MLC1: variants seen among roughly 807,000 people sequenced by gnomAD.
MLC1 encodes the protein modulator of VRAC current 1.
Under a neutral mutation model 44.7 loss-of-function variants are expected in MLC1, and 32 were observed. The observed-to-expected ratio is 0.72, with a 90% CI of 0.54 to 0.96. The LOEUF (loss-of-function observed/expected upper bound fraction) is 0.96, where lower values mean the gene tolerates loss of function less well. Among genes scored for constraint, MLC1 ranks in the 40% least tolerant of loss-of-function variants. MLC1 has a pLI of 0.00. For missense variants in MLC1, 459 were observed against 492.2 expected (o/e 0.93, Z 0.64); for synonymous variants, 190 against 213.0 (o/e 0.89, Z 0.94).
intron 10 of MLC1, among the ~76,000 whole-genome samples, chr22:50,067,317 CAGACAGTGACTCCATTACCCCATT>C (rs2061723819): frequency 1.3e-5 from 2 of 149,512 alleles, no homozygotes; most frequent in Non-Finnish European, 3.0e-5. Flanking sequence ...CATCCCCCAT[CAGACAGTGACTCCATTACCCCATT>C]AGACAGTGAC....
At chr22:50,084,652 C>T (rs1165118727) in intron 2 of MLC1, 74 bp downstream of exon 2, 5 of 1,535,256 alleles carry the variant, frequency 3.3e-6, no homozygotes, top group Non-Finnish European at 4.5e-6. Context: ...CCTGGGGCTC[C>T]AGGGCGCTGC....
chr22:50,081,049 G>GAAAGAAAGAAAGAAAGAAAGAA lies in MLC1; in HGVS notation c.268-653_268-652insTTCTTTCTTTCTTTCTTTCTTT, dbSNP rs1413650900. Among the ~76,000 whole-genome samples, 920 of 149,830 alleles carry GAAAGAAAGAAAGAAAGAAAGAA rather than the reference G, an allele frequency of 6.1e-3. 23 individuals are homozygous for GAAAGAAAGAAAGAAAGAAAGAA. Among genetic ancestry groups the GAAAGAAAGAAAGAAAGAAAGAA allele is most frequent in the African/African-American group, 0.022 (859 of 39,646 alleles). ...AGAAAGAAAGAAAGAAAGAAAGAAAGAAAGAAAGAGGAGGTCTGGTGCAGT... is the reference window on the plus strand; with the variant it reads ...AGAAAGAAAGAAAGAAAGAAAGAAAGAAAGAAAGAAAGAAAGAAAGAAAAAGAAAGAGGAGGTCTGGTGCAGT... On this transcript the variant is annotated intron_variant, in intron 3 of 11. Transcript: ENST00000311597.
chr22:50,066,561 G>A (rs937820793), intron 10 of MLC1, among the ~76,000 whole-genome samples: 1 of 152,058 alleles, frequency 6.6e-6, no homozygotes, highest in African/African-American at 2.4e-5. Context: ...TCCGGAGGCT[G>A]AGGCAGGAGA....
At chr22:50,080,424 C>G (rs1724999272) in intron 3 of MLC1, 27 bp from the exon 4 acceptor site, 2 of 1,589,600 alleles carry the variant, frequency 1.3e-6, no homozygotes, top group Non-Finnish European at 1.7e-6. Flanking sequence ...ATCCCATGAG[C>G]CTGCCGCTCA....
intron 3 of MLC1, among the ~76,000 whole-genome samples, chr22:50,081,834 C>T (rs1413810126): frequency 1.3e-5 from 2 of 152,234 alleles, no homozygotes; most frequent in Non-Finnish European, 2.9e-5. Flanking sequence ...GGCACTTGCC[C>T]ATATCCGGCA....
intron 1 of MLC1, 164 bp from the exon 2 acceptor site, chr22:50,085,125 C>T: frequency 1.4e-6 from 2 of 1,420,984 alleles, no homozygotes; most frequent in South Asian, 3.0e-5. Context: ...AATAACTTTC[C>T]TAGAAAAACG....
chr22:50,085,156 A>G, intron 1 of MLC1, 195 bp from the exon 2 acceptor site: 1 of 1,368,830 alleles, frequency 7.3e-7, no homozygotes, highest in Non-Finnish European at 9.4e-7. Flanking sequence ...GTCTGGGTTC[A>G]GGGTGAGATT....
Position 50,070,557 on chromosome 22 carries a change from A to C in MLC1, c.741T>G (p.His247Gln), listed in dbSNP as rs1401280860. 3 of 1,565,074 alleles carry C rather than the reference A, an allele frequency of 1.9e-6. No individual in the cohort carries two copies. Among genetic ancestry groups the C allele is most frequent in the Non-Finnish European group, 2.6e-6 (3 of 1,153,994 alleles). Residue 247 changes from histidine (H) to glutamine (Q), a missense_variant, in exon 9 of 12, where the codon CAT becomes CAG. Physicochemically the swap from His to Gln is conservative, Grantham distance 24. Coordinates refer to ENST00000311597, the MANE Select transcript of MLC1 (RefSeq NM_015166.4). ...VACFPSAIAS[H>Q]VAAECPSKCL... ...ACTTGCTGGGACACTCTGCTGCCAC[A>C]TGACTGGCAATGGCACTTGGAAAGC...
intron 11 of MLC1, among the ~76,000 whole-genome samples, 169 bp downstream of exon 11, chr22:50,063,864 TC>T: frequency 2.8e-5 from 1 of 35,494 alleles, no homozygotes; most frequent in African/African-American, 1.1e-4. Flanking sequence ...GCTACTCACC[TC>T]CCCAGCACCC....
At chr22:50,071,935 G>A (rs1445524262) in intron 8 of MLC1, among the ~76,000 whole-genome samples, 1 of 152,170 alleles carries the variant, frequency 6.6e-6, no homozygotes, top group Non-Finnish European at 1.5e-5. Flanking sequence ...GATGGGCTCC[G>A]AGCAGGGGAG....
In MLC1 at chr22:50,081,009, AAAAG is replaced by A. The variant is rs757266134; in HGVS notation, c.268-616_268-613del. On this transcript the variant is annotated intron_variant, in intron 3 of 11. Coordinates refer to ENST00000311597, the MANE Select transcript of MLC1 (RefSeq NM_015166.4). ...TGATAGAGTGAGACCTTGTCTCAAA[AAAAG>A]AAAGAAAGAAAGAAAGAAAGAAAGA... 8.9e-3 allele frequency among the ~76,000 whole-genome samples: 865 copies of A among 96,814 alleles called. 15 individuals carry two copies. Among genetic ancestry groups the A allele is most frequent in the African/African-American group, 0.034 (764 of 22,158 alleles). The allele number at this position is 96,814 out of a possible 152,430, so 63.5% of individuals were successfully genotyped here. A position where few individuals can be genotyped will look rare whatever the true frequency, so the allele number is the denominator to read the frequency against.
Position 50,075,702 on chromosome 22 carries a change from C to T in MLC1, c.597+1139G>A, listed in dbSNP as rs945880843. Among the ~76,000 whole-genome samples the T allele has an allele frequency of 8.9e-5, 13 of 145,780 alleles. 1 individual carries two copies. Among genetic ancestry groups the T allele is most frequent in the African/African-American group, 3.0e-4 (12 of 39,456 alleles). On this transcript the variant is annotated intron_variant, in intron 7 of 11. Transcript: ENST00000311597. ...TCTAGCCTGGGCAACAGCAGGACTC[C>T]ATCTCAAAAAAAAAGGAAAAAAAAA... is the stretch of plus-strand genomic sequence containing the variant.
chr22:50,077,379 CG>C (rs35177369), intron 6 of MLC1, 21 bp downstream of exon 6: 24 of 1,602,522 alleles, frequency 1.5e-5, no homozygotes, highest in Non-Finnish European at 2.0e-5. Context: ...CCCTGCCCTG[CG>C]GGGTCAGAAG....
intron 3 of MLC1, among the ~76,000 whole-genome samples, chr22:50,081,360 A>G (rs539006401): frequency 1.3e-5 from 2 of 152,006 alleles, no homozygotes; most frequent in African/African-American, 2.4e-5. Context: ...AAGAAAGAAA[A>G]AAAGAAAGAA....
In MLC1 at chr22:50,076,621, C is replaced by G. The variant is rs77008044; in HGVS notation, c.597+220G>C. Among the ~76,000 whole-genome samples the G allele has an allele frequency of 7.2e-5, 11 of 152,164 alleles. No homozygotes were observed. In the East Asian group the frequency reaches 2.1e-3, roughly 29 times the overall value. ...CACCTACGGCAGTAACAAACTCCCCCTAAAAATTACAGGACACCAGCAGCA... is the reference window on the plus strand; with the variant it reads ...CACCTACGGCAGTAACAAACTCCCCGTAAAAATTACAGGACACCAGCAGCA... On this transcript the variant is annotated intron_variant, in intron 7 of 11. Coordinates refer to ENST00000311597, the MANE Select transcript of MLC1 (RefSeq NM_015166.4).
chr22:50,077,320 G>T, intron 6 of MLC1, 81 bp downstream of exon 6: 1 of 1,272,684 alleles, frequency 7.9e-7, no homozygotes, highest in Non-Finnish European at 1.1e-6. Flanking sequence ...GCCCTCCGAG[G>T]GTGACGCTGA....
chr22:50,063,527 G>A (rs773768468), intron 11 of MLC1, among the ~76,000 whole-genome samples: 117 of 151,498 alleles, frequency 7.7e-4, no homozygotes, highest in Non-Finnish European at 1.4e-3. Flanking sequence ...GGGTTTTTCT[G>A]GGGTGTTTTT....
intron 10 of MLC1, 38 bp from the exon 11 acceptor site, chr22:50,064,236 C>T (rs376984505): frequency 2.6e-5 from 41 of 1,558,688 alleles, no homozygotes; most frequent in East Asian, 1.9e-4. Context: ...GTGGCCCAGC[C>T]GCCCTCCAGC....
chr22:50,067,215 T>C (rs1383742905), intron 10 of MLC1, among the ~76,000 whole-genome samples: 1 of 152,078 alleles, frequency 6.6e-6, no homozygotes, highest in Non-Finnish European at 1.5e-5. Context: ...CCGGGTGTTG[T>C]AGCTCACTCC....
Sources: gnomAD v4.1 joint callset for allele counts (sites outside exome capture counted in the v4.1 genomes callset) on GRCh38, gnomAD v4.1.1 for gene constraint, MANE v1.5 for transcripts, NCBI Gene and HGNC (gene_info 2026-07-23, HGNC 2026-07-21) for gene names.